Variants in CDH13 observed in about 807,000 individuals in gnomAD.
CDH13 encodes cadherin 13.
CDH13 carries 24 observed loss-of-function variants against 63.8 expected under a neutral mutation model. That is an observed-to-expected ratio of 0.38 (90% CI 0.27 to 0.53). The LOEUF is 0.53. Ranked by LOEUF, CDH13 falls within the 20% of genes least tolerant of loss-of-function variation. The pLI is 0.85. For synonymous variants in CDH13, 503 were observed against 355.3 expected, an observed-to-expected ratio of 1.42 and a Z score of -4.67; for missense variants, 1,049 against 903.1, an observed-to-expected ratio of 1.16 and a Z score of -2.07.
chr16:83,282,689 T>C (rs1333246175), intron 5 of CDH13, among the ~76,000 whole-genome samples: 1 of 152,198 alleles, frequency 6.6e-6, no homozygotes, highest in Non-Finnish European at 1.5e-5. Context: ...TGGAAGAAAG[T>C]TGGCAAAGAA....
chr16:83,667,328 T>C (rs899115930), intron 8 of CDH13, among the ~76,000 whole-genome samples: 1 of 152,182 alleles, frequency 6.6e-6, no homozygotes, highest in South Asian at 2.1e-4. Context: ...ATCAGTGTCA[T>C]GGAAGAAGCT....
intron 3 of CDH13, among the ~76,000 whole-genome samples, chr16:83,102,590 C>T (rs1007261062): frequency 2.6e-5 from 4 of 152,070 alleles, no homozygotes; most frequent in Admixed American, 6.5e-5. Flanking sequence ...CTGGAAGCTA[C>T]GAAGCAGAGG....
intron 6 of CDH13, among the ~76,000 whole-genome samples, chr16:83,358,979 TGG>T (rs1299345149): frequency 6.6e-6 from 1 of 152,140 alleles, no homozygotes; most frequent in Non-Finnish European, 1.5e-5. Flanking sequence ...CACACCATGA[TGG>T]GGCTGCCATT....
At chr16:83,180,047 A>C (rs2038284892) in intron 4 of CDH13, among the ~76,000 whole-genome samples, 1 of 152,102 alleles carries the variant, frequency 6.6e-6, no homozygotes. Context: ...TTAAAAGTAA[A>C]CTTTGTTTTA....
Position 83,392,051 on chromosome 16 carries a change from C to A in CDH13, c.781+47045C>A, listed in dbSNP as rs117846805. Among the ~76,000 whole-genome samples, 133 of 152,264 alleles carry A rather than the reference C, an allele frequency of 8.7e-4. 2 individuals are homozygous for A. The East Asian group carries it at 0.023, about 27-fold the overall frequency. ...CCTAATTGTCACCTCCCACTAAATG[C>A]CAGTAACACCCCCGATTATTGTGAC... On this transcript the variant is annotated intron_variant, in intron 6 of 13. Coordinates refer to ENST00000567109, the MANE Select transcript of CDH13 (RefSeq NM_001257.5).
intron 1 of CDH13, among the ~76,000 whole-genome samples, chr16:82,746,849 TA>T (rs1250363333): frequency 6.6e-6 from 1 of 152,212 alleles, no homozygotes; most frequent in Non-Finnish European, 1.5e-5. Context: ...AGATTTTTTG[TA>T]ACGATCACTT....
intron 2 of CDH13, chr16:82,859,303 A>T (rs999237061): frequency 6.6e-6 from 1 of 152,346 alleles, no homozygotes; most frequent in Non-Finnish European, 1.5e-5. Flanking sequence ...CATGCCTGTA[A>T]TCTCACCACT....
chr16:83,660,132 G>C (rs972538247), intron 8 of CDH13, among the ~76,000 whole-genome samples: 1 of 152,130 alleles, frequency 6.6e-6, no homozygotes, highest in African/African-American at 2.4e-5. Flanking sequence ...GTGGAAGACA[G>C]TTTTTCCACG....
At chr16:83,733,976 G>T (rs1911291174) in intron 10 of CDH13, among the ~76,000 whole-genome samples, 1 of 152,210 alleles carries the variant, frequency 6.6e-6, no homozygotes, top group South Asian at 2.1e-4. Flanking sequence ...CAGAGCACCA[G>T]ACTATTTTAT....
intron 4 of CDH13, chr16:83,180,759 T>G: frequency 1.3e-6 from 1 of 745,826 alleles, no homozygotes; most frequent in South Asian, 1.7e-5. Flanking sequence ...TAGGTAATGT[T>G]CTTTAAGACA....
chr16:82,913,069 C>G (rs1274843688), intron 2 of CDH13, among the ~76,000 whole-genome samples: 1 of 152,014 alleles, frequency 6.6e-6, no homozygotes, highest in Non-Finnish European at 1.5e-5. Context: ...TTGGGAATCT[C>G]ATTATTTGCA....
intron 1 of CDH13, among the ~76,000 whole-genome samples, chr16:82,805,005 C>G (rs1442701845): frequency 6.6e-6 from 1 of 152,186 alleles, no homozygotes; most frequent in Non-Finnish European, 1.5e-5. Context: ...TTGTATCCAT[C>G]TTTCCTTATC....
chr16:82,905,322 T>G (rs1597182728), intron 2 of CDH13, among the ~76,000 whole-genome samples: 1 of 152,204 alleles, frequency 6.6e-6, no homozygotes, highest in Non-Finnish European at 1.5e-5. Context: ...AAGATATTTA[T>G]GAGTAAAACA....
chr16:83,341,677 A>G (rs1307961009), intron 5 of CDH13, among the ~76,000 whole-genome samples: 1 of 152,140 alleles, frequency 6.6e-6, no homozygotes, highest in Non-Finnish European at 1.5e-5. Context: ...TTCATTCTTC[A>G]CTTGGTTTAG....
rs572836156 is a variant in CDH13, at chr16:83,555,501, G to A, written c.961-46953G>A. Among the ~76,000 whole-genome samples, 4 of 152,314 alleles carry A rather than the reference G, an allele frequency of 2.6e-5. 1 individual carries two copies. In the East Asian group the frequency reaches 7.7e-4, roughly 29 times the overall value. On this transcript the variant is annotated intron_variant, in intron 7 of 13. Transcript: ENST00000567109. ...GACTTTGCTGGTGCTTGGATTTCCA[G>A]TGTTCACTGGAAAAGCCGAAAGATT...
chr16:83,669,799 C>A (rs913280990), intron 8 of CDH13, among the ~76,000 whole-genome samples: 1 of 152,176 alleles, frequency 6.6e-6, no homozygotes, highest in Non-Finnish European at 1.5e-5. Flanking sequence ...GATTCACTTT[C>A]CTACTAATTG....
At chr16:82,976,850 T>C (rs1176139930) in intron 2 of CDH13, among the ~76,000 whole-genome samples, 1 of 152,136 alleles carries the variant, frequency 6.6e-6, no homozygotes, top group Admixed American at 6.5e-5. Flanking sequence ...TTTCTGTTGC[T>C]CAGGCCGGGC....
chr16:83,137,865 T>G (rs1386173351), intron 4 of CDH13, among the ~76,000 whole-genome samples: 1 of 142,700 alleles, frequency 7.0e-6, no homozygotes, highest in Admixed American at 7.0e-5. Context: ...TGTTTTTTGT[T>G]TTTTAGGTTT....
chr16:83,330,092 A>T (rs950533311), intron 5 of CDH13, among the ~76,000 whole-genome samples: 3 of 152,256 alleles, frequency 2.0e-5, no homozygotes, highest in Non-Finnish European at 4.4e-5. Flanking sequence ...TTCAAATAGA[A>T]GAGATTCTTG....
Sources: allele counts gnomAD v4.1 joint callset (sites outside exome capture counted in the v4.1 genomes callset), GRCh38; gene constraint gnomAD v4.1.1; transcripts MANE v1.5; gene names NCBI Gene and HGNC (gene_info 2026-07-23, HGNC 2026-07-21).